Variants in DGKB observed in about 807,000 individuals in gnomAD.
DGKB encodes diacylglycerol kinase beta, also known as 90 kDa diacylglycerol kinase.
DGKB carries 67 observed loss-of-function variants against 114.3 expected under a neutral mutation model. The ratio of observed to expected loss-of-function variants is 0.59; its 90% CI spans 0.48 to 0.72. DGKB has a LOEUF of 0.72. Among genes scored for constraint, DGKB ranks in the 30% least tolerant of loss-of-function variants. DGKB has a pLI of 0.00. For missense variants in DGKB, 907 were observed against 975.2 expected (o/e 0.93, Z 0.93); for synonymous variants, 398 against 323.1 (o/e 1.23, Z -2.49).
intron 21 of DGKB, among the ~76,000 whole-genome samples, chr7:14,441,201 G>T (rs1267088225): frequency 6.6e-6 from 1 of 151,868 alleles, no homozygotes; most frequent in African/African-American, 2.4e-5. Flanking sequence ...GTAGAGGCGG[G>T]GTTTCACCAT....
intron 20 of DGKB, among the ~76,000 whole-genome samples, chr7:14,481,542 T>C (rs1192863728): frequency 1.3e-5 from 2 of 152,008 alleles, no homozygotes; most frequent in African/African-American, 2.4e-5. Flanking sequence ...TTGTTCATTT[T>C]TGATGATTTG....
chr7:14,336,235 T>A (rs1296614352), intron 23 of DGKB, among the ~76,000 whole-genome samples: 1 of 152,130 alleles, frequency 6.6e-6, no homozygotes, highest in African/African-American at 2.4e-5. Flanking sequence ...TGGTATTCTG[T>A]TGCAAAGTAT....
intron 23 of DGKB, among the ~76,000 whole-genome samples, chr7:14,216,725 C>CAAAAAAAAA (rs755191130): frequency 1.8e-4 from 9 of 50,326 alleles, no homozygotes; most frequent in Non-Finnish European, 2.8e-4. Flanking sequence ...GACTCCGTCT[C>CAAAAAAAAA]AAAAAAAAAA....
At chr7:14,740,520 C>G (rs1405084212) in intron 4 of DGKB, among the ~76,000 whole-genome samples, 1 of 152,102 alleles carries the variant, frequency 6.6e-6, no homozygotes, top group Non-Finnish European at 1.5e-5. Flanking sequence ...GACAAGGAGG[C>G]AATTCTTTTG....
chr7:14,197,421 T>A lies in DGKB; in HGVS notation c.2123-19270A>T, dbSNP rs184844301. 6.4e-4 allele frequency among the ~76,000 whole-genome samples: 97 copies of A among 152,132 alleles called. No homozygotes were observed. In the East Asian group the frequency reaches 9.5e-3, roughly 15 times the overall value. On this transcript the variant is annotated intron_variant, in intron 23 of 25. Coordinates refer to ENST00000402815, the MANE Select transcript of DGKB (RefSeq NM_001350709.2). ...AAAAAAAAAGCAAAGTTCCTCTCTG[T>A]TTTTATCAAATTTGATTGCTGCAGC...
intron 23 of DGKB, among the ~76,000 whole-genome samples, chr7:14,306,970 C>A (rs1804580662): frequency 6.6e-6 from 1 of 152,090 alleles, no homozygotes; most frequent in Non-Finnish European, 1.5e-5. Context: ...ATCATGTATT[C>A]TCTTACTTCC....
chr7:14,958,177 A>G (rs1489224144), intron 1 of DGKB, among the ~76,000 whole-genome samples: 1 of 152,044 alleles, frequency 6.6e-6, no homozygotes, highest in Non-Finnish European at 1.5e-5. Flanking sequence ...ATATTACTGT[A>G]TAGAGGAAAC....
chr7:14,199,599 T>C (rs559045706), intron 23 of DGKB, among the ~76,000 whole-genome samples: 29 of 152,030 alleles, frequency 1.9e-4, no homozygotes, highest in African/African-American at 7.0e-4. Flanking sequence ...ATGGAACAAA[T>C]AGATGATGCC....
chr7:14,487,302 G>T (rs1563300662), intron 20 of DGKB, among the ~76,000 whole-genome samples: 1 of 152,114 alleles, frequency 6.6e-6, no homozygotes, highest in Non-Finnish European at 1.5e-5. Context: ...GTGTTGAAAA[G>T]AAATGAAACC....
intron 21 of DGKB, among the ~76,000 whole-genome samples, chr7:14,427,084 G>A (rs766791162): frequency 6.6e-6 from 1 of 151,894 alleles, no homozygotes; most frequent in Non-Finnish European, 1.5e-5. Flanking sequence ...AACACACACT[G>A]GGGCCTGTCA....
intron 21 of DGKB, among the ~76,000 whole-genome samples, chr7:14,469,236 C>T (rs1035848509): frequency 2.0e-5 from 3 of 152,024 alleles, no homozygotes; most frequent in Non-Finnish European, 2.9e-5. Context: ...CTTCATTTAT[C>T]TTAGATTCTA....
rs554785277 is a variant in DGKB at position 14,600,924 on chromosome 7, T to C, written c.1433+6510A>G. On this transcript the variant is annotated intron_variant, in intron 17 of 25. Coordinates refer to ENST00000402815, the MANE Select transcript of DGKB (RefSeq NM_001350709.2). ...CTCTCTCAGGCTGGCTTTACTAGCC[T>C]GGAGTCTCAGAGGTGGCCCAGCCCC... Among the ~76,000 whole-genome samples, 3 of 152,274 alleles carry C rather than the reference T, an allele frequency of 2.0e-5. No individual in the cohort carries two copies. In the East Asian group the frequency reaches 5.8e-4, roughly 29 times the overall value.
intron 23 of DGKB, among the ~76,000 whole-genome samples, chr7:14,273,194 A>T (rs2128437997): frequency 6.6e-6 from 1 of 152,162 alleles, no homozygotes; most frequent in African/African-American, 2.4e-5. Context: ...AAAATACAAA[A>T]AATTAGCTGG....
At chr7:14,858,227 G>A (rs17168484) in intron 1 of DGKB, among the ~76,000 whole-genome samples, 16,729 of 152,068 alleles carry the variant, frequency 0.11, 1,755 homozygotes, top group East Asian at 0.29. Flanking sequence ...ATGCTGCTTC[G>A]CTGGAAACAG....
chr7:14,630,104 AT>A, intron 14 of DGKB, 131 bp downstream of exon 14: 1 of 502,244 alleles, frequency 2.0e-6, no homozygotes, highest in Non-Finnish European at 3.4e-6. Flanking sequence ...AATTAGCAGA[AT>A]ATGAAAAAAA....
chr7:14,952,910 C>T (rs1290943413), intron 1 of DGKB, among the ~76,000 whole-genome samples: 1 of 151,924 alleles, frequency 6.6e-6, no homozygotes, highest in Non-Finnish European at 1.5e-5. Flanking sequence ...AGAAATAAAC[C>T]ATCACATTTA....
intron 25 of DGKB, among the ~76,000 whole-genome samples, chr7:14,152,278 C>G (rs997225091): frequency 6.6e-6 from 1 of 152,026 alleles, no homozygotes; most frequent in Non-Finnish European, 1.5e-5. Flanking sequence ...TCAGTTATTC[C>G]TTGATACATC....
At chr7:14,470,895 A>C (rs1238864027) in intron 21 of DGKB, among the ~76,000 whole-genome samples, 2 of 151,516 alleles carry the variant, frequency 1.3e-5, no homozygotes, top group African/African-American at 4.8e-5. Flanking sequence ...CATTTTGTTG[A>C]ATTCACAGAA....
intron 23 of DGKB, among the ~76,000 whole-genome samples, chr7:14,235,525 T>A (rs999132061): frequency 6.6e-6 from 1 of 152,106 alleles, no homozygotes; most frequent in Non-Finnish European, 1.5e-5. Context: ...TGAAGTAGAA[T>A]GCCAGTATTT....
Sources: gnomAD v4.1 joint callset for allele counts (sites outside exome capture counted in the v4.1 genomes callset) on GRCh38, gnomAD v4.1.1 for gene constraint, MANE v1.5 for transcripts, NCBI Gene and HGNC (gene_info 2026-07-23, HGNC 2026-07-21) for gene names.